PROC: variants seen among roughly 807,000 people sequenced by gnomAD.
PROC encodes the protein vitamin K-dependent protein C.
In PROC, 22 loss-of-function variants were observed where a neutral mutation model predicts 36.3. That is an observed-to-expected ratio of 0.61 (90% CI 0.43 to 0.86). The LOEUF is 0.86. Ranked by LOEUF, PROC falls within the 40% of genes least tolerant of loss-of-function variation. The pLI, the probability that PROC is intolerant of heterozygous loss-of-function variation, is 0.00. For synonymous variants in PROC, 218 were observed against 244.5 expected (o/e 0.89, Z 1.01); for missense variants, 526 against 629.7 (o/e 0.84, Z 1.76).
At chr2:127,424,673 T>C (rs1231051944) in intron 6 of PROC, among the ~76,000 whole-genome samples, 2 of 152,074 alleles carry the variant, frequency 1.3e-5, no homozygotes, top group Admixed American at 1.3e-4. Flanking sequence ...ACCCTGTCTC[T>C]ATTTTTAAAA....
chr2:127,419,967 C>T lies in PROC; in HGVS notation c.25C>T (p.Leu9=). Residue 9 remains leucine (L), a synonymous_variant, in exon 2 of 9, where the codon CTG becomes TTG. Coordinates refer to ENST00000234071, the MANE Select transcript of PROC (RefSeq NM_000312.4). ...AATGTGGCAGCTCACAAGCCTCCTG[C>T]TGTTCGTGGCCACCTGGGGAATTTC... MWQLTSLL[L]FVATWGISGT... The T allele has an allele frequency of 6.2e-7, 1 of 1,613,928 alleles. No homozygotes were observed. Among genetic ancestry groups the T allele is most frequent in the South Asian group, 1.1e-5 (1 of 91,068 alleles).
Position 127,426,462 on chromosome 2 carries a change from G to C in PROC, c.678+235G>C, listed in dbSNP as rs1688507048. 3.4e-6 allele frequency: 2 copies of C among 586,126 alleles called. No individual in the cohort carries two copies. Among genetic ancestry groups the C allele is most frequent in the South Asian group, 4.0e-5 (2 of 50,086 alleles). The allele number at this position is 586,126 out of a possible 1,614,324, so 36.3% of individuals were successfully genotyped here. On this transcript the variant is annotated intron_variant, in intron 7 of 8. Transcript: ENST00000234071. This position sits in a 1 kb window ranked among gnomAD's most constrained non-coding sequence, Gnocchi z 7.0. The stretch of plus-strand genomic sequence containing the variant: ...CATGGAGGGGTCTGCAGGAGGGAGG[G>C]TTACAGTTTCTAAAAAGAGCTGGAA...
rs1345164995 is a variant in PROC, at chr2:127,428,775, C to T, written c.1215C>T (p.Pro405=). 2.5e-6 allele frequency: 4 copies of T among 1,612,592 alleles called. No individual in the cohort carries two copies. The South Asian group carries it at 3.3e-5, about 13-fold the overall frequency. The change falls in exon 9 of 9, where the codon CCC becomes CCT. Residue 405 remains proline (P), a synonymous_variant. Coordinates refer to ENST00000234071, the MANE Select transcript of PROC (RefSeq NM_000312.4). ...CCTGCGAGGGCGACAGTGGGGGGCC[C>T]ATGGTCGCCTCCTTCCACGGCACCT... ...QDACEGDSGG[P]MVASFHGTWF...
intron 6 of PROC, chr2:127,423,699 A>C: frequency 2.2e-6 from 1 of 446,306 alleles, no homozygotes; most frequent in Non-Finnish European, 4.0e-6. Flanking sequence ...GCGCAAGCCC[A>C]GTGGTGGCTC....
chr2:127,420,441 G>A (rs770543024), intron 2 of PROC, among the ~76,000 whole-genome samples: 1 of 152,162 alleles, frequency 6.6e-6, no homozygotes, highest in Non-Finnish European at 1.5e-5. Context: ...CACAGCCAAC[G>A]GGAGGAGGCC....
chr2:127,423,685 T>C (rs1688289557), intron 6 of PROC: 5 of 474,642 alleles, frequency 1.1e-5, no homozygotes, highest in Admixed American at 8.1e-5. Flanking sequence ...GGCCACCTCC[T>C]GGAGCGCAAG....
chr2:127,423,205 G>A, intron 5 of PROC, 34 bp downstream of exon 5: 2 of 1,517,232 alleles, frequency 1.3e-6, no homozygotes, highest in Non-Finnish European at 1.8e-6. Flanking sequence ...GCGGGCGGCG[G>A]GGCGGGGCTG....
intron 8 of PROC, among the ~76,000 whole-genome samples, chr2:127,427,926 C>T (rs1336838754): frequency 6.6e-6 from 1 of 152,140 alleles, no homozygotes; most frequent in Admixed American, 6.5e-5. Context: ...CTGGCAGTGC[C>T]GTGTTCTGGG....
chr2:127,422,838 C>CT, intron 3 of PROC, 79 bp from the exon 4 acceptor site: 1 of 1,524,400 alleles, frequency 6.6e-7, no homozygotes, highest in Non-Finnish European at 8.8e-7. Context: ...TGCCCGCTCA[C>CT]CCGCTGCCCT....
chr2:127,421,431 C>T lies in PROC; in HGVS notation c.219C>T (p.Phe73=). The T allele has an allele frequency of 1.2e-6, 2 of 1,613,944 alleles. No individual in the cohort carries two copies. The highest frequency in any genetic ancestry group is 2.2e-5 in the South Asian group (2 of 91,078). The change falls in exon 3 of 9, where the codon TTC becomes TTT. Residue 73 remains phenylalanine, a synonymous_variant. Transcript: ENST00000234071. ...ACTTCGAGGAGGCCAAGGAAATTTT[C>T]CAAAATGTGGATGACACAGTAAGGC... is the stretch of plus-strand genomic sequence containing the variant. ...ICDFEEAKEI[F]QNVDDTLAFW...
chr2:127,419,315 A>T (rs1413174845), intron 1 of PROC, among the ~76,000 whole-genome samples: 1 of 152,168 alleles, frequency 6.6e-6, no homozygotes, highest in Non-Finnish European at 1.5e-5. Context: ...AAGTCATAAT[A>T]TCTCATGTTT....
chr2:127,419,935 C>T lies in PROC; in HGVS notation c.-8C>T. ...AGTCCTCCTCAGACAGGTGCCAGTGCCTCCAGAATGTGGCAGCTCACAAGC... is the reference window on the plus strand; with the variant it reads ...AGTCCTCCTCAGACAGGTGCCAGTGTCTCCAGAATGTGGCAGCTCACAAGC... On this transcript the variant is annotated 5_prime_UTR_variant, in exon 2 of 9. Transcript: ENST00000234071. 1 of 1,614,010 alleles carries T rather than the reference C, an allele frequency of 6.2e-7. No homozygotes were observed. The highest frequency in any genetic ancestry group is 8.5e-7 in the Non-Finnish European group (1 of 1,180,008).
chr2:127,423,100 C>G lies in PROC; in HGVS notation c.329C>G (p.Thr110Arg), dbSNP rs370147557. 3.5e-5 allele frequency: 56 copies of G among 1,609,692 alleles called. No individual in the cohort carries two copies. The highest frequency in any genetic ancestry group is 4.6e-5 in the Non-Finnish European group (54 of 1,178,284). Residue 110 changes from threonine to arginine, a missense_variant, in exon 5 of 9, where the codon ACG (threonine) becomes AGG (arginine). Coordinates refer to ENST00000234071, the MANE Select transcript of PROC (RefSeq NM_000312.4). ...GCCAGCCTGTGCTGCGGGCACGGCA[C>G]GTGCATCGACGGCATCGGCAGCTTC... ...PCASLCCGHG[T>R]CIDGIGSFSC... is the part of the protein sequence containing the mutation.
At position 127,421,414 on chromosome 2, in the gene PROC, G is replaced by A. The variant is rs1352609136; in HGVS notation, c.202G>A (p.Glu68Lys). ...ECIEEICDFE[E>K]AKEIFQNVDD... The stretch of plus-strand genomic sequence containing the variant: ...CATAGAGGAGATCTGTGACTTCGAG[G>A]AGGCCAAGGAAATTTTCCAAAATGT... Residue 68 changes from glutamate to lysine, a missense_variant, in exon 3 of 9, where the codon GAG becomes AAG. Glu to Lys is a moderately conservative substitution (Grantham distance 56). Transcript: ENST00000234071. 6.2e-7 allele frequency: 1 copy of A among 1,613,972 alleles called. No individual in the cohort carries two copies. Among genetic ancestry groups the A allele is most frequent in the East Asian group, 2.2e-5 (1 of 44,894 alleles).
chr2:127,421,010 G>A (rs1688059521), intron 2 of PROC, among the ~76,000 whole-genome samples: 1 of 152,176 alleles, frequency 6.6e-6, no homozygotes, highest in African/African-American at 2.4e-5. Flanking sequence ...AAAGACACTG[G>A]CTCAAGGTCA....
At chr2:127,419,830 A>G in intron 1 of PROC, 92 bp from the exon 2 acceptor site, 1 of 1,600,740 alleles carries the variant, frequency 6.2e-7, no homozygotes, top group Non-Finnish European at 8.5e-7. Flanking sequence ...GCCAGCACAC[A>G]GGGACAGCCC....
Position 127,426,507 on chromosome 2 carries a change from G to T in PROC, c.678+280G>T. On this transcript the variant is annotated intron_variant, in intron 7 of 8. Coordinates refer to ENST00000234071, the MANE Select transcript of PROC (RefSeq NM_000312.4). This position sits in a 1 kb window ranked among gnomAD's most constrained non-coding sequence, Gnocchi z 7.0. ...CTGGAAAGACACTGCTCTGCTGGCG[G>T]GATTTTAGGCAGAAGCCCTGCTGAT... 4.1e-6 allele frequency: 2 copies of T among 491,420 alleles called. No individual in the cohort carries two copies. Among genetic ancestry groups the T allele is most frequent in the Non-Finnish European group, 7.4e-6 (2 of 269,790 alleles). 30.4% of individuals were successfully genotyped at this position (491,420 alleles called of 1,614,324 possible).
chr2:127,424,564 C>T (rs1054253786), intron 6 of PROC, among the ~76,000 whole-genome samples: 1 of 152,134 alleles, frequency 6.6e-6, no homozygotes, highest in African/African-American at 2.4e-5. Context: ...TTTGGCCAGG[C>T]TCAGTAGCTC....
chr2:127,419,902 A>T lies in PROC; in HGVS notation c.-21-20A>T, dbSNP rs202233007. ...AGCAGCGGGGGTAGGCACTGCCCGGAGCTCAGAAGTCCTCCTCAGACAGGT... is the reference window on the plus strand; with the variant it reads ...AGCAGCGGGGGTAGGCACTGCCCGGTGCTCAGAAGTCCTCCTCAGACAGGT... On this transcript the variant is annotated intron_variant, in intron 1 of 8. Coordinates refer to ENST00000234071, the MANE Select transcript of PROC (RefSeq NM_000312.4). 1,639 of 1,613,706 alleles carry T rather than the reference A, an allele frequency of 1.0e-3. 16 individuals carry two copies. In the South Asian group the frequency reaches 0.014, roughly 14 times the overall value.
Sources: allele counts gnomAD v4.1 joint callset (sites outside exome capture counted in the v4.1 genomes callset), GRCh38; gene constraint gnomAD v4.1.1; non-coding constraint Gnocchi (gnomAD v3.1); transcripts MANE v1.5; gene names NCBI Gene and HGNC (gene_info 2026-07-23, HGNC 2026-07-21).